The following PHF24 variants were observed in gnomAD, a reference collection of about 807,000 sequenced individuals.
PHF24 encodes PHD finger protein 24, also known as Galpha inhibitory interacting protein.
A neutral mutation model predicts 42.6 loss-of-function variants in PHF24; 25 were observed. That is an observed-to-expected ratio of 0.59 (90% confidence interval 0.43 to 0.82). The LOEUF is 0.82. Ranked by LOEUF, PHF24 falls within the 40% of genes least tolerant of loss-of-function variation. The probability of loss-of-function intolerance (pLI) is 0.00; values close to 1 mark genes in which losing one functional copy is unlikely to be tolerated. For synonymous variants in PHF24, 185 were observed against 204.8 expected (o/e 0.90, Z 0.83); for missense variants, 470 against 538.1 (o/e 0.87, Z 1.25).
chr9:34,677,389 GTT>G, the PHF24 span, among the ~76,000 whole-genome samples: 24 of 79,770 alleles, frequency 3.0e-4, no homozygotes, highest in East Asian at 1.6e-3. Context: ...TTTGTAAACT[GTT>G]TTTTTTTTTT....
chr9:34,851,582 G>A, the PHF24 span, among the ~76,000 whole-genome samples: 245 of 152,148 alleles, frequency 1.6e-3, no homozygotes, highest in African/African-American at 5.0e-3. Context: ...GCCCTGCTTC[G>A]GCTCGCACAC....
the PHF24 span, among the ~76,000 whole-genome samples, chr9:34,849,775 G>T: frequency 2.2e-4 from 34 of 152,206 alleles, no homozygotes; most frequent in African/African-American, 7.9e-4. Context: ...CTTCCTTCAG[G>T]AGCTCTTTTA....
the PHF24 span, among the ~76,000 whole-genome samples, chr9:34,780,125 T>C: frequency 3.3e-5 from 5 of 152,064 alleles, no homozygotes; most frequent in Non-Finnish European, 7.4e-5. Context: ...AAGAATGAAG[T>C]TGGACCCTTA....
the PHF24 span, among the ~76,000 whole-genome samples, chr9:34,871,302 T>G: frequency 6.6e-6 from 1 of 152,212 alleles, no homozygotes; most frequent in Non-Finnish European, 1.5e-5. Flanking sequence ...TTTATTATTG[T>G]CGAGTTTTAA....
the PHF24 span, chr9:34,918,404 TC>T: frequency 1.9e-6 from 1 of 515,882 alleles, no homozygotes; most frequent in Non-Finnish European, 3.5e-6. Context: ...AATACCAAGG[TC>T]TTTAAAAAAA....
chr9:34,831,101 T>C, the PHF24 span, among the ~76,000 whole-genome samples: 3 of 152,172 alleles, frequency 2.0e-5, no homozygotes, highest in African/African-American at 7.2e-5. Flanking sequence ...CCAAAAGCCT[T>C]GTCTTCTTTT....
At chr9:34,669,025 G>T in the PHF24 span, among the ~76,000 whole-genome samples, 4 of 152,246 alleles carry the variant, frequency 2.6e-5, no homozygotes, top group South Asian at 8.3e-4. Context: ...GCAGCCTTTT[G>T]TCTCTTATCT....
chr9:34,911,100 A>G, the PHF24 span, among the ~76,000 whole-genome samples: 1 of 152,204 alleles, frequency 6.6e-6, no homozygotes, highest in Non-Finnish European at 1.5e-5. Context: ...CTGGGATTAC[A>G]GGCATGAGCC....
At chr9:34,793,029 T>C in the PHF24 span, among the ~76,000 whole-genome samples, 1 of 152,184 alleles carries the variant, frequency 6.6e-6, no homozygotes, top group Non-Finnish European at 1.5e-5. Context: ...ATAATGTCCT[T>C]ATAAAATCAT....
the PHF24 span, among the ~76,000 whole-genome samples, chr9:34,935,742 G>T: frequency 0.05 from 7,564 of 150,852 alleles, 258 homozygotes; most frequent in South Asian, 0.075. Context: ...GTGTGGGGGG[G>T]GGGTGTGTGT....
the PHF24 span, among the ~76,000 whole-genome samples, chr9:34,673,534 G>A: frequency 6.7e-6 from 1 of 148,868 alleles, no homozygotes; most frequent in Admixed American, 6.7e-5. Flanking sequence ...GCAGAGGTGT[G>A]ATCTCGGCTC....
the PHF24 span, chr9:34,689,492 C>CTTTTT: frequency 4.3e-6 from 1 of 230,032 alleles, no homozygotes; most frequent in Non-Finnish European, 8.2e-6. This position sits in a 1 kb window ranked among gnomAD's most constrained non-coding sequence, Gnocchi z 4.1. Flanking sequence ...TGCCAGGTGC[C>CTTTTT]TTTTTTTTTT....
chr9:34,775,919 G>A, the PHF24 span, among the ~76,000 whole-genome samples: 1 of 152,142 alleles, frequency 6.6e-6, no homozygotes, highest in South Asian at 2.1e-4. Context: ...GCAATAAAAA[G>A]GAATGAAGTA....
chr9:34,833,377 G>A, the PHF24 span: 1 of 1,551,016 alleles, frequency 6.4e-7, no homozygotes, highest in African/African-American at 1.4e-5. Flanking sequence ...ATTGCTTTTG[G>A]TTCTGCTGCA....
chr9:34,897,342 A>G, the PHF24 span, among the ~76,000 whole-genome samples: 4 of 152,198 alleles, frequency 2.6e-5, no homozygotes, highest in African/African-American at 9.7e-5. Flanking sequence ...CTAGTTTCAA[A>G]GACAAGGCAT....
chr9:34,699,543 A>T, the PHF24 span, among the ~76,000 whole-genome samples: 2 of 152,178 alleles, frequency 1.3e-5, no homozygotes, highest in South Asian at 4.1e-4. Flanking sequence ...CTTTTTGAGC[A>T]TGCCATTTGT....
chr9:34,767,420 C>G, the PHF24 span, among the ~76,000 whole-genome samples: 133 of 152,364 alleles, frequency 8.7e-4, no homozygotes, highest in African/African-American at 3.1e-3. Flanking sequence ...GGACGCCCCT[C>G]CCCCAGCCTC....
the PHF24 span, among the ~76,000 whole-genome samples, chr9:34,840,308 C>A: frequency 6.6e-6 from 1 of 152,102 alleles, no homozygotes; most frequent in Non-Finnish European, 1.5e-5. Context: ...TCTTGTGTAT[C>A]TTTCCAGACT....
chr9:34,844,978 T>C, the PHF24 span, among the ~76,000 whole-genome samples: 1 of 152,180 alleles, frequency 6.6e-6, no homozygotes, highest in Non-Finnish European at 1.5e-5. Flanking sequence ...CCTATTGATA[T>C]TTGCTTTATA....
Sources: gnomAD v4.1 joint callset for allele counts (sites outside exome capture counted in the v4.1 genomes callset) on GRCh38, gnomAD v4.1.1 for gene constraint, Gnocchi (gnomAD v3.1) non-coding constraint, MANE v1.5 for transcripts, NCBI Gene and HGNC (gene_info 2026-07-23, HGNC 2026-07-21) for gene names.